The following NNT variants were observed in gnomAD, a reference collection of about 807,000 sequenced individuals.
NNT encodes the protein nicotinamide nucleotide transhydrogenase.
NNT carries 50 observed loss-of-function variants against 104.8 expected under a neutral mutation model. That is an observed-to-expected ratio of 0.48 (90% CI 0.38 to 0.60). The LOEUF is 0.60. Among genes scored for constraint, NNT ranks in the 20% least tolerant of loss-of-function variants. NNT has a pLI of 0.00. For synonymous variants in NNT, 461 were observed against 490.4 expected (o/e 0.94, Z 0.79); for missense variants, 1,131 against 1,330.7 (o/e 0.85, Z 2.33).
intron 19 of NNT, among the ~76,000 whole-genome samples, chr5:43,693,548 T>C (rs1449332882): frequency 6.6e-6 from 1 of 152,200 alleles, no homozygotes; most frequent in East Asian, 1.9e-4. Flanking sequence ...GTACTGAATA[T>C]AGCTTGTATT....
chr5:43,669,853 A>G (rs2112051172), intron 17 of NNT, among the ~76,000 whole-genome samples: 1 of 152,314 alleles, frequency 6.6e-6, no homozygotes, highest in African/African-American at 2.4e-5. Context: ...TTCAGAAGGA[A>G]TGGTACCAGC....
intron 19 of NNT, among the ~76,000 whole-genome samples, chr5:43,693,716 ATTAAC>A (rs566350617): frequency 3.0e-4 from 46 of 152,354 alleles, no homozygotes; most frequent in African/African-American, 8.4e-4. Context: ...TTAAAAAAAA[ATTAAC>A]TTAAGTGTTG....
chr5:43,651,707 A>G lies in NNT; in HGVS notation c.1718-32A>G, dbSNP rs764034261. The G allele has an allele frequency of 5.0e-6, 8 of 1,612,170 alleles. No homozygotes were observed. In the South Asian group the frequency reaches 7.7e-5, roughly 16 times the overall value. ...TGTTGCTCAGTGAGCTCAAAGAGGT[A>G]CTATGTTTTTTATTTCCTTTGGTTT... On this transcript the variant is annotated intron_variant, in intron 12 of 21. Transcript: ENST00000344920.
chr5:43,608,896 A>G (rs1244198891), intron 1 of NNT, among the ~76,000 whole-genome samples: 1 of 152,226 alleles, frequency 6.6e-6, no homozygotes, highest in Non-Finnish European at 1.5e-5. Context: ...CTTGGAATTG[A>G]ATAGTGAGTT....
At chr5:43,679,609 G>T (rs77891291) in intron 19 of NNT, among the ~76,000 whole-genome samples, 10,062 of 152,180 alleles carry the variant, frequency 0.066, 560 homozygotes, top group African/African-American at 0.15. Flanking sequence ...TAAGACAAAT[G>T]AATTTTTTGT....
In NNT at chr5:43,704,828, G is replaced by GT. The variant is rs138980708; in HGVS notation, c.*434dup. The stretch of plus-strand genomic sequence containing the variant: ...AACATTGCAGGCACCTGCATTTTAT[G>GT]TTTTTTTTTTCAACAAATGTGACTA... On this transcript the variant is annotated 3_prime_UTR_variant, in exon 22 of 22. Coordinates refer to ENST00000344920, the MANE Select transcript of NNT (RefSeq NM_182977.3). The GT allele has an allele frequency of 1.2e-3, 181 of 150,124 alleles. No homozygotes were observed. The highest frequency in any genetic ancestry group is 3.4e-3 in the Middle Eastern group (1 of 290). The allele number at this position is 150,124 out of a possible 1,614,324, so 9.3% of individuals were successfully genotyped here.
At position 43,615,828 on chromosome 5, in the gene NNT, T is replaced by C. The variant is rs767616326; in HGVS notation, c.382-20T>C. 1 of 1,560,384 alleles carries C rather than the reference T, an allele frequency of 6.4e-7. No individual in the cohort carries two copies. The highest frequency in any genetic ancestry group is 8.7e-7 in the Non-Finnish European group (1 of 1,148,886). ...TTAAAGTATTTATATTTATAATCTG[T>C]GACTTGATTTTTTCCCCAGGTGCGA... On this transcript the variant is annotated intron_variant, in intron 3 of 21. Transcript: ENST00000344920.
At chr5:43,639,785 A>G (rs1170647701) in intron 7 of NNT, among the ~76,000 whole-genome samples, 2 of 152,172 alleles carry the variant, frequency 1.3e-5, no homozygotes, top group East Asian at 1.9e-4. Context: ...CTTAATGTCC[A>G]TGAACCAGAA....
At chr5:43,607,500 C>T (rs1749286214) in intron 1 of NNT, among the ~76,000 whole-genome samples, 1 of 152,210 alleles carries the variant, frequency 6.6e-6, no homozygotes, top group Non-Finnish European at 1.5e-5. Flanking sequence ...TCTGTCTTTG[C>T]TGACTCTCTT....
chr5:43,684,922 C>A (rs1352952793), intron 19 of NNT, among the ~76,000 whole-genome samples: 2 of 152,078 alleles, frequency 1.3e-5, no homozygotes, highest in South Asian at 4.1e-4. Flanking sequence ...CCTCCAGAGA[C>A]CCTCCTCAGA....
intron 17 of NNT, among the ~76,000 whole-genome samples, chr5:43,674,701 C>T (rs568829455): frequency 1.3e-5 from 2 of 152,032 alleles, no homozygotes; most frequent in African/African-American, 4.8e-5. Context: ...CTTTTACTAC[C>T]CCACCTCCAG....
At chr5:43,621,909 C>T (rs1750117193) in intron 5 of NNT, among the ~76,000 whole-genome samples, 1 of 152,068 alleles carries the variant, frequency 6.6e-6, no homozygotes, top group Non-Finnish European at 1.5e-5. Flanking sequence ...TACCATTGGT[C>T]TTGGAGTGTG....
At chr5:43,690,589 A>G (rs1350656719) in intron 19 of NNT, among the ~76,000 whole-genome samples, 7 of 152,226 alleles carry the variant, frequency 4.6e-5, no homozygotes, top group African/African-American at 1.7e-4. Flanking sequence ...GGATTGAGCT[A>G]GGGCAACATC....
In NNT at chr5:43,656,704, C is replaced by T. The variant is rs775927166; in HGVS notation, c.2345C>T (p.Ala782Val). 6 of 1,614,046 alleles carry T rather than the reference C, an allele frequency of 3.7e-6. No homozygotes were observed. The highest frequency in any genetic ancestry group is 3.3e-5 in the South Asian group (3 of 91,086). ...CTGCCTGGAAGGCACTTACTCAATGCAGGCTTACTGGCTGCTAGTGTGGGC... is the reference window on the plus strand; with the variant it reads ...CTGCCTGGAAGGCACTTACTCAATGTAGGCTTACTGGCTGCTAGTGTGGGC... Reference protein sequence around the residue: ...LLLPGRHLLNAGLLAASVGGI... With the variant: ...LLLPGRHLLNVGLLAASVGGI... Residue 782 changes from alanine (A) to valine (V), a missense_variant, in exon 16 of 22, where the codon GCA becomes GTA. Ala to Val is a moderately conservative substitution (Grantham distance 64). Coordinates refer to ENST00000344920, the MANE Select transcript of NNT (RefSeq NM_182977.3).
At chr5:43,613,663 AGAAATCT>A (rs1749624248) in intron 3 of NNT, 1 of 152,570 alleles carries the variant, frequency 6.6e-6, no homozygotes, top group Admixed American at 6.5e-5. Flanking sequence ...AATATATAAC[AGAAATCT>A]ATATACTAAA....
At position 43,606,103 on chromosome 5, in the gene NNT, C is replaced by G. The variant is rs184211161; in HGVS notation, c.-54+2809C>G. ...AACTGAGGCAGGGGGAGGTTCAGGT[C>G]GAACAGTAAGTGAGTGGCAGATTTG... On this transcript the variant is annotated intron_variant, in intron 1 of 21. Coordinates refer to ENST00000344920, the MANE Select transcript of NNT (RefSeq NM_182977.3). Among the ~76,000 whole-genome samples, 3 of 152,138 alleles carry G rather than the reference C, an allele frequency of 2.0e-5. No homozygotes were observed. The East Asian group carries it at 5.8e-4, about 29-fold the overall frequency.
At chr5:43,603,925 C>T (rs1749068429) in intron 1 of NNT, among the ~76,000 whole-genome samples, 1 of 152,216 alleles carries the variant, frequency 6.6e-6, no homozygotes, top group South Asian at 2.1e-4. Context: ...AGAGGGCGAC[C>T]TGGGCAGAGC....
chr5:43,665,222 ATT>A (rs1740574568), intron 17 of NNT, among the ~76,000 whole-genome samples: 4 of 144,202 alleles, frequency 2.8e-5, no homozygotes, highest in Admixed American at 1.4e-4. Context: ...TTATTTATTT[ATT>A]ATTATTATTA....
intron 19 of NNT, among the ~76,000 whole-genome samples, chr5:43,685,102 A>G (rs1482976439): frequency 6.6e-6 from 1 of 152,218 alleles, no homozygotes; most frequent in African/African-American, 2.4e-5. Flanking sequence ...CTTAAGAAGC[A>G]GTTGGATTGG....
Sources: gnomAD v4.1 joint callset for allele counts (sites outside exome capture counted in the v4.1 genomes callset) on GRCh38, gnomAD v4.1.1 for gene constraint, MANE v1.5 for transcripts, NCBI Gene and HGNC (gene_info 2026-07-23, HGNC 2026-07-21) for gene names.